The following PLCB1 variants were observed in gnomAD, a reference collection of about 807,000 sequenced individuals.
PLCB1 encodes the protein 1-phosphatidylinositol 4,5-bisphosphate phosphodiesterase beta-1.
PLCB1 carries 46 observed loss-of-function variants against 161.8 expected under a neutral mutation model. The ratio of observed to expected loss-of-function variants is 0.28; its 90% CI spans 0.22 to 0.36. PLCB1 has a LOEUF of 0.36. Among genes scored for constraint, PLCB1 ranks in the 10% least tolerant of loss-of-function variants. PLCB1 has a pLI of 1.00. For missense variants in PLCB1, 1,016 were observed against 1,472.5 expected (o/e 0.69, Z 5.07); for synonymous variants, 517 against 503.7 (o/e 1.03, Z -0.35).
At chr20:8,510,092 T>C (rs1983817462) in intron 3 of PLCB1, among the ~76,000 whole-genome samples, 1 of 152,206 alleles carries the variant, frequency 6.6e-6, no homozygotes, top group East Asian at 1.9e-4. Flanking sequence ...ATGTAGATTT[T>C]GTAGGTGATA....
chr20:8,628,359 A>G lies in PLCB1; in HGVS notation c.312A>G (p.Thr104=), dbSNP rs776521907. The G allele has an allele frequency of 1.2e-6, 2 of 1,614,086 alleles. No individual in the cohort carries two copies. The highest frequency in any genetic ancestry group is 1.1e-5 in the South Asian group (1 of 91,088). The stretch of plus-strand genomic sequence containing the variant: ...GGCGCCTGGAGCAGCGCATGATCAC[A>G]GTGGTGTATGGGCCTGACCTCGTGA... The part of the protein sequence containing the change: ...NIGRLEQRMI[T]VVYGPDLVNI... Residue 104 remains threonine, a synonymous_variant, in exon 4 of 32, where the codon ACA becomes ACG. Coordinates refer to ENST00000338037, the MANE Select transcript of PLCB1 (RefSeq NM_015192.4).
intron 3 of PLCB1, among the ~76,000 whole-genome samples, chr20:8,408,111 T>C (rs1324337978): frequency 1.3e-5 from 2 of 152,194 alleles, no homozygotes; most frequent in African/African-American, 2.4e-5. Flanking sequence ...CAATATTGGT[T>C]GATTGACTGT....
chr20:8,649,604 A>T (rs560905228), intron 7 of PLCB1, 155 bp downstream of exon 7: 89 of 612,144 alleles, frequency 1.5e-4, no homozygotes, highest in Non-Finnish European at 2.2e-4. Flanking sequence ...ATGGATTATC[A>T]TCGGAGAGGA....
At chr20:8,339,107 C>T (rs1473384897) in intron 2 of PLCB1, among the ~76,000 whole-genome samples, 1 of 152,156 alleles carries the variant, frequency 6.6e-6, no homozygotes, top group African/African-American at 2.4e-5. Flanking sequence ...CTGCCATAAA[C>T]AATTTTGTAC....
At chr20:8,720,739 G>A (rs980119222) in intron 14 of PLCB1, among the ~76,000 whole-genome samples, 4 of 151,948 alleles carry the variant, frequency 2.6e-5, no homozygotes, top group African/African-American at 9.7e-5. Context: ...AGAATGACCT[G>A]ATTGGCTATT....
intron 3 of PLCB1, among the ~76,000 whole-genome samples, chr20:8,523,266 A>G (rs1434862634): frequency 2.0e-5 from 3 of 151,676 alleles, no homozygotes; most frequent in South Asian, 2.1e-4. Context: ...CACTAGGGAT[A>G]TAGTAGAAAG....
At chr20:8,497,087 T>C (rs1983209298) in intron 3 of PLCB1, among the ~76,000 whole-genome samples, 1 of 152,224 alleles carries the variant, frequency 6.6e-6, no homozygotes, top group African/African-American at 2.4e-5. Flanking sequence ...TATATGTGTC[T>C]AAGGAATTTG....
intron 2 of PLCB1, among the ~76,000 whole-genome samples, chr20:8,285,398 C>T (rs1387588048): frequency 6.6e-6 from 1 of 151,746 alleles, no homozygotes. Context: ...TGAAGTAGGC[C>T]AGATATTTGA....
At chr20:8,585,149 G>A (rs1986951299) in intron 3 of PLCB1, among the ~76,000 whole-genome samples, 1 of 152,106 alleles carries the variant, frequency 6.6e-6, no homozygotes, top group Admixed American at 6.5e-5. Flanking sequence ...TACTTTTGGG[G>A]GGCAAAATGC....
intron 3 of PLCB1, among the ~76,000 whole-genome samples, chr20:8,613,935 T>C (rs1987974101): frequency 6.6e-6 from 1 of 151,390 alleles, no homozygotes; most frequent in Non-Finnish European, 1.5e-5. Context: ...ATGATACATT[T>C]GAAAAAAATA....
At chr20:8,445,055 A>G (rs1980756877) in intron 3 of PLCB1, among the ~76,000 whole-genome samples, 1 of 152,000 alleles carries the variant, frequency 6.6e-6, no homozygotes, top group Non-Finnish European at 1.5e-5. Flanking sequence ...GTTTAATTAG[A>G]TCCCATTTGT....
intron 3 of PLCB1, among the ~76,000 whole-genome samples, chr20:8,559,016 C>G (rs1986054767): frequency 1.3e-5 from 2 of 151,800 alleles, no homozygotes; most frequent in Non-Finnish European, 2.9e-5. Context: ...AAACACACTA[C>G]TAAAAGTAAA....
chr20:8,816,701 G>A (rs1985101513), intron 31 of PLCB1, among the ~76,000 whole-genome samples: 1 of 152,106 alleles, frequency 6.6e-6, no homozygotes, highest in Admixed American at 6.5e-5. Context: ...CTGGGGGAGG[G>A]GACTGGGATT....
At chr20:8,668,840 G>T (rs993032342) in intron 9 of PLCB1, among the ~76,000 whole-genome samples, 1 of 152,124 alleles carries the variant, frequency 6.6e-6, no homozygotes, top group African/African-American at 2.4e-5. Context: ...CACTATTCAC[G>T]ATACTATAAA....
chr20:8,670,829 T>G (rs1311181829), intron 9 of PLCB1, among the ~76,000 whole-genome samples: 1 of 152,212 alleles, frequency 6.6e-6, no homozygotes, highest in East Asian at 1.9e-4. Context: ...CCATGGGATA[T>G]TAATGCCATC....
At chr20:8,650,314 C>T (rs1568546534) in intron 7 of PLCB1, among the ~76,000 whole-genome samples, 1 of 152,106 alleles carries the variant, frequency 6.6e-6, no homozygotes, top group African/African-American at 2.4e-5. Context: ...ATGTCCATGT[C>T]AGTTTACCAT....
At chr20:8,373,088 G>A (rs1986955324) in intron 3 of PLCB1, among the ~76,000 whole-genome samples, 1 of 152,178 alleles carries the variant, frequency 6.6e-6, no homozygotes, top group South Asian at 2.1e-4. Flanking sequence ...GGCCTGTACT[G>A]TGCTCAGCTG....
intron 3 of PLCB1, among the ~76,000 whole-genome samples, chr20:8,398,265 C>T (rs1978379760): frequency 6.6e-6 from 1 of 152,090 alleles, no homozygotes; most frequent in Non-Finnish European, 1.5e-5. Flanking sequence ...TTTATACACA[C>T]ATATATGTCT....
Position 8,883,210 on chromosome 20 carries a change from G to A in PLCB1, c.*1361G>A, listed in dbSNP as rs1988057122. 1 of 152,028 alleles carries A rather than the reference G, an allele frequency of 6.6e-6. No individual in the cohort carries two copies. The highest frequency in any genetic ancestry group is 1.5e-5 in the Non-Finnish European group (1 of 67,974). The allele number at this position is 152,028 out of a possible 1,614,324, so 9.4% of individuals were successfully genotyped here. A position where few individuals can be genotyped will look rare whatever the true frequency, so the allele number is the denominator to read the frequency against. The stretch of plus-strand genomic sequence containing the variant: ...ACAGAAATAATATGGACATTTATTA[G>A]TATCTTCCATAATTTTTAAGTCTGA... On this transcript the variant is annotated 3_prime_UTR_variant, in exon 32 of 32. Transcript: ENST00000338037.
Sources: allele counts gnomAD v4.1 joint callset (sites outside exome capture counted in the v4.1 genomes callset), GRCh38; gene constraint gnomAD v4.1.1; transcripts MANE v1.5; gene names NCBI Gene and HGNC (gene_info 2026-07-23, HGNC 2026-07-21).